The following PRR5L variants were observed in gnomAD, a reference collection of about 807,000 sequenced individuals.
PRR5L encodes proline rich 5 like, also known as proline-rich protein 5-like.
Under a neutral mutation model 36.4 loss-of-function variants are expected in PRR5L, and 21 were observed. That is an observed-to-expected ratio of 0.58 (90% confidence interval 0.41 to 0.83). PRR5L has a LOEUF of 0.83. Among genes scored for constraint, PRR5L ranks in the 40% least tolerant of loss-of-function variants. The pLI is 0.00. For missense variants in PRR5L, 381 were observed against 473.3 expected (o/e 0.80, Z 1.81); for synonymous variants, 188 against 197.0 (o/e 0.95, Z 0.38).
Position 36,419,273 on chromosome 11 carries a change from A to C in PRR5L, c.264A>C (p.Glu88Asp). Reference sequence around the variant, plus strand: ...TCCCCAGGCGGCTGTTGAAGAGTGAACTTGGATCATTCATTACAGACTATT... The same window carrying C: ...TCCCCAGGCGGCTGTTGAAGAGTGACCTTGGATCATTCATTACAGACTATT... ...NENIRRLLKS[E>D]LGSFITDYFQ... The change falls in exon 4 of 9, where the codon GAA becomes GAC. Residue 88 changes from glutamate (E) to aspartate (D), a missense_variant. Transcript: ENST00000530639. 1 of 1,614,108 alleles carries C rather than the reference A, an allele frequency of 6.2e-7. No individual in the cohort carries two copies. Among genetic ancestry groups the C allele is most frequent in the Non-Finnish European group, 8.5e-7 (1 of 1,179,942 alleles).
chr11:36,377,260 G>A lies in PRR5L; in HGVS notation c.-125-23737G>A, dbSNP rs1304878493. 1.3e-5 allele frequency among the ~76,000 whole-genome samples: 2 copies of A among 152,206 alleles called. No homozygotes were observed. The highest frequency in any genetic ancestry group is 2.4e-5 in the African/African-American group (1 of 41,458). ...GCGCTGCTGCACGCGCGCGCTCTGC[G>A]GACTAGGGTGGGCCAGGGCCCAGCC... On this transcript the variant is annotated intron_variant, in intron 1 of 8. Coordinates refer to ENST00000530639, the MANE Select transcript of PRR5L (RefSeq NM_001160167.2). This position sits in a 1 kb window ranked among gnomAD's most constrained non-coding sequence, Gnocchi z 5.1.
intron 6 of PRR5L, among the ~76,000 whole-genome samples, chr11:36,441,737 C>G (rs1474624203): frequency 3.9e-5 from 6 of 152,124 alleles, no homozygotes; most frequent in Non-Finnish European, 2.9e-5. Context: ...TGGTAGGCTT[C>G]TGCTTGGGCA....
At chr11:36,402,720 G>A (rs182911690) in intron 2 of PRR5L, among the ~76,000 whole-genome samples, 6 of 152,336 alleles carry the variant, frequency 3.9e-5, no homozygotes, top group South Asian at 2.1e-4. Flanking sequence ...CTGGGCTGTC[G>A]TCCCAGAGGC....
At chr11:36,332,358 G>T (rs1035016059) in intron 1 of PRR5L, among the ~76,000 whole-genome samples, 22 of 152,264 alleles carry the variant, frequency 1.4e-4, no homozygotes, top group African/African-American at 5.3e-4. Flanking sequence ...GCTGTTGCCA[G>T]TTCTCCTCCG....
chr11:36,441,052 T>C (rs1046274509), intron 6 of PRR5L, among the ~76,000 whole-genome samples: 3 of 152,164 alleles, frequency 2.0e-5, no homozygotes, highest in Non-Finnish European at 4.4e-5. Context: ...GAGATCACAT[T>C]TCAACACGAC....
At chr11:36,447,971 T>C (rs1250539885) in intron 7 of PRR5L, among the ~76,000 whole-genome samples, 1 of 152,146 alleles carries the variant, frequency 6.6e-6, no homozygotes. Context: ...ATTCGGAAAG[T>C]TGGGCTCCCA....
chr11:36,448,527 G>T (rs1222598373), intron 7 of PRR5L, among the ~76,000 whole-genome samples: 1 of 152,110 alleles, frequency 6.6e-6, no homozygotes. Context: ...AATCAAGGCA[G>T]GTCAATGTTT....
intron 3 of PRR5L, among the ~76,000 whole-genome samples, chr11:36,413,499 T>C (rs986291710): frequency 3.3e-5 from 5 of 152,142 alleles, no homozygotes; most frequent in Non-Finnish European, 7.4e-5. Context: ...GTTCAAAAAT[T>C]TTACGCATAT....
intron 3 of PRR5L, among the ~76,000 whole-genome samples, chr11:36,413,656 A>C: frequency 6.6e-6 from 1 of 151,802 alleles, no homozygotes; most frequent in East Asian, 1.9e-4. Flanking sequence ...TACATATGGA[A>C]ACACAGCTGA....
At chr11:36,372,587 A>G (rs2133513459) in intron 1 of PRR5L, among the ~76,000 whole-genome samples, 1 of 152,320 alleles carries the variant, frequency 6.6e-6, no homozygotes, top group East Asian at 1.9e-4. Context: ...ATCCCTTGCA[A>G]GCTGCATTCA....
intron 1 of PRR5L, chr11:36,362,264 C>T (rs2133502661): frequency 6.6e-6 from 1 of 152,174 alleles, no homozygotes; most frequent in Admixed American, 6.5e-5. Flanking sequence ...ATGACTCTGA[C>T]TCACTGAAAC....
intron 1 of PRR5L, chr11:36,376,738 G>A: frequency 2.0e-6 from 2 of 984,544 alleles, no homozygotes; most frequent in Non-Finnish European, 1.2e-6. Context: ...TCTGGGAGGG[G>A]CCGGAGTCAT....
chr11:36,417,473 A>G (rs1219233414), intron 3 of PRR5L, among the ~76,000 whole-genome samples: 1 of 152,108 alleles, frequency 6.6e-6, no homozygotes, highest in Non-Finnish European at 1.5e-5. Flanking sequence ...GCTTTTGATG[A>G]AGGCTTCCCT....
rs189297747 is a variant in PRR5L, at chr11:36,314,748, C to T, written c.-126+18310C>T. On this transcript the variant is annotated intron_variant, in intron 1 of 8. Transcript: ENST00000530639. The stretch of plus-strand genomic sequence containing the variant: ...TAGATTCATTGATGTATGAAGACGG[C>T]GCTTTCCTTAAGGGGTCTCAAAGCA... 5.3e-5 allele frequency among the ~76,000 whole-genome samples: 8 copies of T among 152,286 alleles called. 1 individual carries two copies. In the East Asian group the frequency reaches 7.7e-4, roughly 15 times the overall value.
At chr11:36,383,416 A>G (rs1400512948) in intron 1 of PRR5L, among the ~76,000 whole-genome samples, 1 of 152,212 alleles carries the variant, frequency 6.6e-6, no homozygotes, top group African/African-American at 2.4e-5. Flanking sequence ...CCGTGGGCCA[A>G]ACTTTGGCAT....
intron 1 of PRR5L, among the ~76,000 whole-genome samples, chr11:36,337,611 G>T (rs1015573311): frequency 6.6e-6 from 1 of 152,134 alleles, no homozygotes; most frequent in Admixed American, 6.6e-5. Flanking sequence ...TATTCTTCTT[G>T]CCTAAATGGC....
intron 3 of PRR5L, among the ~76,000 whole-genome samples, chr11:36,405,735 T>C (rs1857895904): frequency 6.6e-6 from 1 of 152,208 alleles, no homozygotes; most frequent in Admixed American, 6.5e-5. Context: ...AATTTATTTC[T>C]CAATGTCCTG....
intron 3 of PRR5L, among the ~76,000 whole-genome samples, chr11:36,409,419 CAG>C (rs1857979976): frequency 6.6e-6 from 1 of 152,204 alleles, no homozygotes; most frequent in African/African-American, 2.4e-5. Flanking sequence ...AAGAAAACCC[CAG>C]AGATTTTCAA....
intron 1 of PRR5L, among the ~76,000 whole-genome samples, chr11:36,340,477 C>G (rs1405518017): frequency 1.4e-4 from 21 of 152,190 alleles, no homozygotes; most frequent in Admixed American, 1.3e-3. Flanking sequence ...ATGTGTCAGA[C>G]ACTGTTCGAA....
Sources: allele counts gnomAD v4.1 joint callset (sites outside exome capture counted in the v4.1 genomes callset), GRCh38; gene constraint gnomAD v4.1.1; non-coding constraint Gnocchi (gnomAD v3.1); transcripts MANE v1.5; gene names NCBI Gene and HGNC (gene_info 2026-07-23, HGNC 2026-07-21).